The following KIF16B variants were observed in gnomAD, a reference collection of about 807,000 sequenced individuals.
KIF16B encodes the protein kinesin-like protein KIF16B.
Under a neutral mutation model 156.3 loss-of-function variants are expected in KIF16B, and 98 were observed. The observed-to-expected ratio is 0.63, with a 90% CI of 0.53 to 0.74. The LOEUF is 0.74. Ranked by LOEUF, KIF16B falls within the 30% of genes least tolerant of loss-of-function variation. The pLI, the probability that KIF16B is intolerant of heterozygous loss-of-function variation, is 0.00. For missense variants in KIF16B, 1,421 were observed against 1,606.5 expected (o/e 0.88, Z 1.97); for synonymous variants, 564 against 583.7 (o/e 0.97, Z 0.49).
chr20:16,509,582 T>C (rs555181058), intron 6 of KIF16B, among the ~76,000 whole-genome samples: 3 of 152,340 alleles, frequency 2.0e-5, no homozygotes, highest in African/African-American at 4.8e-5. Flanking sequence ...TAAGCATTCC[T>C]TCCTGCATTT....
intron 1 of KIF16B, among the ~76,000 whole-genome samples, chr20:16,535,985 G>A (rs2069944293): frequency 6.6e-6 from 1 of 152,100 alleles, no homozygotes. Flanking sequence ...TCTGACTACT[G>A]GGTATTTATC....
At chr20:16,277,514 C>T (rs2063081435) in intron 25 of KIF16B, among the ~76,000 whole-genome samples, 2 of 150,266 alleles carry the variant, frequency 1.3e-5, no homozygotes, top group South Asian at 4.2e-4. Context: ...CCTAACAACA[C>T]ACATTCATAT....
At chr20:16,571,823 G>C (rs1487355932) in intron 1 of KIF16B, among the ~76,000 whole-genome samples, 2 of 151,918 alleles carry the variant, frequency 1.3e-5, no homozygotes, top group Non-Finnish European at 2.9e-5. Context: ...TAGAGAAGGG[G>C]TTTCACCGTG....
chr20:16,414,467 T>A (rs2146333407), intron 15 of KIF16B, among the ~76,000 whole-genome samples: 1 of 152,244 alleles, frequency 6.6e-6, no homozygotes, highest in South Asian at 2.1e-4. Context: ...ATGTTTACAA[T>A]TCAAATATGG....
intron 12 of KIF16B, among the ~76,000 whole-genome samples, chr20:16,474,019 G>A (rs746345978): frequency 3.3e-5 from 5 of 152,072 alleles, no homozygotes; most frequent in African/African-American, 4.8e-5. Flanking sequence ...CCTCCCTGCT[G>A]CTCCAAGCTC....
intron 12 of KIF16B, among the ~76,000 whole-genome samples, chr20:16,474,800 T>C (rs1271204773): frequency 6.6e-6 from 1 of 152,192 alleles, no homozygotes; most frequent in East Asian, 1.9e-4. Context: ...GTTCTGTAGT[T>C]TTTGGTGAGG....
intron 24 of KIF16B, among the ~76,000 whole-genome samples, chr20:16,333,890 ATTCT>A (rs1218777410): frequency 6.6e-6 from 1 of 152,134 alleles, no homozygotes; most frequent in Admixed American, 6.5e-5. Context: ...CTGCCCCACC[ATTCT>A]TTATTGCTAA....
intron 1 of KIF16B, among the ~76,000 whole-genome samples, chr20:16,561,036 TC>T (rs772665116): frequency 2.0e-5 from 3 of 152,004 alleles, no homozygotes; most frequent in East Asian, 3.9e-4. Flanking sequence ...ATGCCTGTAA[TC>T]CCTGCGCTTT....
At chr20:16,312,254 A>G in intron 25 of KIF16B, 81 bp downstream of exon 25, 1 of 951,096 alleles carries the variant, frequency 1.1e-6, no homozygotes, top group Non-Finnish European at 1.6e-6. Context: ...GAAATTTAAT[A>G]GTATTTAACA....
At chr20:16,513,225 G>A (rs765585819) in intron 4 of KIF16B, among the ~76,000 whole-genome samples, 2 of 144,476 alleles carry the variant, frequency 1.4e-5, no homozygotes, top group Non-Finnish European at 3.1e-5. Context: ...GTTTATAACT[G>A]TACAATAAAT....
intron 25 of KIF16B, among the ~76,000 whole-genome samples, chr20:16,308,110 A>G (rs1214830205): frequency 6.6e-6 from 1 of 151,694 alleles, no homozygotes; most frequent in Non-Finnish European, 1.5e-5. Flanking sequence ...ACATCTCATA[A>G]ATAAACAAAG....
chr20:16,537,243 A>G (rs1047826880), intron 1 of KIF16B, among the ~76,000 whole-genome samples: 1 of 152,132 alleles, frequency 6.6e-6, no homozygotes, highest in African/African-American at 2.4e-5. Flanking sequence ...ATCTGACCCT[A>G]GTTGACATTT....
chr20:16,520,877 C>CCAGGCAAA (rs1261321950), intron 3 of KIF16B, among the ~76,000 whole-genome samples: 1 of 152,114 alleles, frequency 6.6e-6, no homozygotes, highest in Non-Finnish European at 1.5e-5. Context: ...CTGGTGATAC[C>CCAGGCAAA]CAGGCAAACA....
At chr20:16,432,957 G>A (rs995862169) in intron 12 of KIF16B, among the ~76,000 whole-genome samples, 6 of 152,026 alleles carry the variant, frequency 3.9e-5, no homozygotes, top group Admixed American at 2.6e-4. Context: ...CTTTGAGGTC[G>A]GAGACTTCAG....
intron 1 of KIF16B, among the ~76,000 whole-genome samples, chr20:16,566,681 G>C (rs994583707): frequency 6.6e-6 from 1 of 152,218 alleles, no homozygotes; most frequent in African/African-American, 2.4e-5. Flanking sequence ...CCAAGGTATG[G>C]AGGTAGAAAG....
At chr20:16,534,528 T>A (rs553154790) in intron 1 of KIF16B, among the ~76,000 whole-genome samples, 76 of 152,344 alleles carry the variant, frequency 5.0e-4, no homozygotes, top group African/African-American at 1.7e-3. Context: ...TAGCCCCTTC[T>A]GTCTGTTTTT....
chr20:16,338,724 C>T (rs143066209), intron 23 of KIF16B, among the ~76,000 whole-genome samples: 7 of 152,298 alleles, frequency 4.6e-5, no homozygotes, highest in Admixed American at 2.6e-4. Context: ...AGGAATAACA[C>T]GCCACCAAAC....
intron 12 of KIF16B, among the ~76,000 whole-genome samples, chr20:16,461,047 T>C (rs572939541): frequency 2.0e-5 from 3 of 152,144 alleles, no homozygotes; most frequent in South Asian, 2.1e-4. Context: ...TTCATTGTTA[T>C]ATAAAAAGCC....
chr20:16,409,977 A>ATG lies in KIF16B; in HGVS notation c.1613-3522_1613-3521insCA, dbSNP rs1555877418. ...TATATATATATATATATACATATATATATATATATATATATGTAGGTACAT... is the reference window on the plus strand; with the variant it reads ...TATATATATATATATATACATATATATGTATATATATATATATGTAGGTACAT... On this transcript the variant is annotated intron_variant, in intron 15 of 25. Transcript: ENST00000354981. Among the ~76,000 whole-genome samples the ATG allele has an allele frequency of 2.4e-3, 250 of 104,414 alleles. 7 individuals carry two copies. The highest frequency in any genetic ancestry group is 3.9e-3 in the Non-Finnish European group (203 of 52,716). 68.5% of individuals were successfully genotyped at this position (104,414 alleles called of 152,430 possible). A position where few individuals can be genotyped will look rare whatever the true frequency, so the allele number is the denominator to read the frequency against.
Sources: allele counts gnomAD v4.1 joint callset (sites outside exome capture counted in the v4.1 genomes callset), GRCh38; gene constraint gnomAD v4.1.1; transcripts MANE v1.5; gene names NCBI Gene and HGNC (gene_info 2026-07-23, HGNC 2026-07-21).